The following RARB variants were observed in gnomAD, a reference collection of about 807,000 sequenced individuals.
RARB encodes the protein retinoic acid receptor beta.
A neutral mutation model predicts 51.9 loss-of-function variants in RARB; 17 were observed. That is an observed-to-expected ratio of 0.33 (90% CI 0.22 to 0.49). The LOEUF is 0.49. Among genes scored for constraint, RARB ranks in the 20% least tolerant of loss-of-function variants. RARB has a pLI of 0.99. For synonymous variants in RARB, 215 were observed against 195.4 expected, an observed-to-expected ratio of 1.10 and a Z score of -0.84; for missense variants, 369 against 550.8, an observed-to-expected ratio of 0.67 and a Z score of 3.30.
intron 5 of RARB, among the ~76,000 whole-genome samples, chr3:25,205,647 T>A (rs1459244979): frequency 1.3e-5 from 2 of 152,196 alleles, no homozygotes; most frequent in Non-Finnish European, 2.9e-5. Context: ...GTAATTATTA[T>A]GCACTGTATG....
chr3:25,261,548 G>A (rs1024207417), intron 5 of RARB, among the ~76,000 whole-genome samples: 6 of 152,030 alleles, frequency 3.9e-5, no homozygotes, highest in Admixed American at 3.3e-4. Flanking sequence ...GCTGGTAGAG[G>A]TTGCTCATTT....
rs149676254 is a variant in RARB at position 25,524,941 on chromosome 3, C to G, written c.448+23618C>G. ...ACAGGGTTTCATCATGTTGGCCCGA[C>G]TGGTCTCAAACTCCTGACCTCAGGT... On this transcript the variant is annotated intron_variant, in intron 3 of 7. Coordinates refer to ENST00000330688, the MANE Select transcript of RARB (RefSeq NM_000965.5). Among the ~76,000 whole-genome samples the G allele has an allele frequency of 8.1e-3, 1,233 of 152,120 alleles. 13 individuals carry two copies. The highest frequency in any genetic ancestry group is 0.028 in the African/African-American group (1,181 of 41,494).
chr3:24,834,832 G>A (rs1702322455), intron 1 of RARB, among the ~76,000 whole-genome samples: 1 of 152,210 alleles, frequency 6.6e-6, no homozygotes, highest in Non-Finnish European at 1.5e-5. Context: ...TTTTTGTGCT[G>A]ATCCTGGCTT....
intron 5 of RARB, among the ~76,000 whole-genome samples, chr3:25,223,478 A>C (rs1164516064): frequency 6.6e-6 from 1 of 152,194 alleles, no homozygotes; most frequent in Admixed American, 6.5e-5. Context: ...AATGCCTTCT[A>C]TTCCAATATA....
chr3:25,512,510 C>G (rs753709014), intron 3 of RARB, among the ~76,000 whole-genome samples: 2 of 152,248 alleles, frequency 1.3e-5, no homozygotes, highest in Admixed American at 6.5e-5. Context: ...CTGTCCAACA[C>G]TGATCTCTTG....
intron 2 of RARB, among the ~76,000 whole-genome samples, chr3:24,994,609 T>C (rs1696982987): frequency 1.3e-5 from 2 of 152,110 alleles, no homozygotes; most frequent in South Asian, 4.1e-4. Context: ...TTTTTTCCTC[T>C]AATAGTTTTA....
At chr3:25,116,225 A>T (rs1228284564) in intron 3 of RARB, among the ~76,000 whole-genome samples, 2 of 152,148 alleles carry the variant, frequency 1.3e-5, no homozygotes, top group Non-Finnish European at 1.5e-5. Context: ...TACTGCAGCA[A>T]CCCAGGAGTC....
At chr3:25,468,550 C>T (rs1345273117) in intron 2 of RARB, among the ~76,000 whole-genome samples, 1 of 109,510 alleles carries the variant, frequency 9.1e-6, no homozygotes, top group Admixed American at 8.7e-5. Context: ...AAATCCTTTT[C>T]CTGTTAAAAA....
intron 1 of RARB, among the ~76,000 whole-genome samples, chr3:25,448,572 A>G (rs971104733): frequency 6.6e-6 from 1 of 152,016 alleles, no homozygotes; most frequent in Non-Finnish European, 1.5e-5. Flanking sequence ...GGTTCAAGCA[A>G]TTCTCCTGCC....
chr3:25,017,908 G>C (rs1459798613), intron 2 of RARB, among the ~76,000 whole-genome samples: 2 of 152,150 alleles, frequency 1.3e-5, no homozygotes, highest in Non-Finnish European at 2.9e-5. Context: ...CAGAACCCTT[G>C]TGAATAGGAT....
intron 2 of RARB, among the ~76,000 whole-genome samples, chr3:24,963,719 G>GTA (rs901247433): frequency 2.6e-5 from 4 of 151,924 alleles, no homozygotes; most frequent in Non-Finnish European, 5.9e-5. Flanking sequence ...CTCTGCCGGA[G>GTA]TATATAGTTC....
chr3:24,868,477 AC>A (rs1440857216), intron 2 of RARB, among the ~76,000 whole-genome samples: 1 of 152,150 alleles, frequency 6.6e-6, no homozygotes, highest in African/African-American at 2.4e-5. Context: ...TAAACAAACA[AC>A]AAAAAAAAAT....
chr3:25,458,651 T>G (rs762188799), intron 1 of RARB, among the ~76,000 whole-genome samples: 1 of 152,182 alleles, frequency 6.6e-6, no homozygotes, highest in South Asian at 2.1e-4. Context: ...CCAGAAATAA[T>G]GTACTCAAGA....
At chr3:25,433,469 T>C (rs1708290404) in intron 1 of RARB, among the ~76,000 whole-genome samples, 1 of 152,170 alleles carries the variant, frequency 6.6e-6, no homozygotes, top group Non-Finnish European at 1.5e-5. Context: ...CCTTGCAAAA[T>C]GGACTGGGCT....
intron 2 of RARB, among the ~76,000 whole-genome samples, chr3:25,009,914 A>G (rs1203923660): frequency 6.6e-6 from 1 of 152,104 alleles, no homozygotes; most frequent in Admixed American, 6.6e-5. Context: ...TGAACCTTTA[A>G]GCAGTTCAGT....
intron 2 of RARB, among the ~76,000 whole-genome samples, chr3:25,001,610 A>G (rs1205022336): frequency 6.6e-6 from 1 of 152,136 alleles, no homozygotes; most frequent in Non-Finnish European, 1.5e-5. Context: ...ACGTGGCACC[A>G]CTTGCATTCT....
At chr3:25,129,396 C>T (rs897431199) in intron 3 of RARB, among the ~76,000 whole-genome samples, 26 of 151,940 alleles carry the variant, frequency 1.7e-4, no homozygotes, top group Non-Finnish European at 3.1e-4. Flanking sequence ...TCCTGAGCTT[C>T]CTTTATTTAA....
intron 2 of RARB, among the ~76,000 whole-genome samples, chr3:24,977,151 T>C (rs181315260): frequency 6.6e-6 from 1 of 152,184 alleles, no homozygotes; most frequent in African/African-American, 2.4e-5. Flanking sequence ...CCATGCTGTT[T>C]CGGTTACTGT....
At chr3:24,912,459 ATG>A in intron 2 of RARB, among the ~76,000 whole-genome samples, 1 of 152,322 alleles carries the variant, frequency 6.6e-6, no homozygotes, top group Admixed American at 6.5e-5. Context: ...GTCCTCAAAT[ATG>A]TGAGTATCTT....
Sources: gnomAD v4.1 joint callset for allele counts (sites outside exome capture counted in the v4.1 genomes callset) on GRCh38, gnomAD v4.1.1 for gene constraint, MANE v1.5 for transcripts, NCBI Gene and HGNC (gene_info 2026-07-23, HGNC 2026-07-21) for gene names.